IMPG2: variants seen among roughly 807,000 people sequenced by gnomAD.
IMPG2 encodes the protein interphotoreceptor matrix proteoglycan 2, also known as IPM 200.
IMPG2 carries 91 observed loss-of-function variants against 129.2 expected under a neutral mutation model. The ratio of observed to expected loss-of-function variants is 0.70; its 90% confidence interval spans 0.59 to 0.84. IMPG2 has a LOEUF of 0.84. Ranked by LOEUF, IMPG2 falls within the 40% of genes least tolerant of loss-of-function variation. The probability of loss-of-function intolerance (pLI) is 0.00; values close to 1 mark genes in which losing one functional copy is unlikely to be tolerated. For missense variants in IMPG2, 1,430 were observed against 1,461.7 expected, an observed-to-expected ratio of 0.98 and a Z score of 0.35; for synonymous variants, 510 against 517.7, an observed-to-expected ratio of 0.99 and a Z score of 0.20.
Position 101,229,452 on chromosome 3 carries a change from G to A in IMPG2, c.3561C>T (p.Ser1187=), listed in dbSNP as rs139496326. 2.0e-4 allele frequency: 327 copies of A among 1,613,048 alleles called. No individual in the cohort carries two copies. The East Asian group carries it at 5.6e-3, about 28-fold the overall frequency. Residue 1187 remains serine (S), a synonymous_variant, in exon 17 of 19, where the codon AGC becomes AGT. Coordinates refer to ENST00000193391, the MANE Select transcript of IMPG2 (RefSeq NM_016247.4). ...TGCTCAGCCCACCAATCACGTCTCC[G>A]CTAGCAGAGCTGTAGAAGGGATGCT... The part of the protein sequence containing the change: ...YPQHPFYSSA[S]GDVIGGLSRE...
intron 4 of IMPG2, among the ~76,000 whole-genome samples, chr3:101,289,880 G>C: frequency 6.6e-6 from 1 of 150,664 alleles, no homozygotes; most frequent in Non-Finnish European, 1.5e-5. Flanking sequence ...ATGGAATCAA[G>C]AGATAATTAG....
At chr3:101,228,978 G>T in intron 17 of IMPG2, 102 bp from the exon 18 acceptor site, 2 of 875,780 alleles carry the variant, frequency 2.3e-6, no homozygotes, top group Non-Finnish European at 3.8e-6. Context: ...TACATTCTGG[G>T]CTATTCAGAA....
rs1576740039 is a variant in IMPG2, at chr3:101,225,385, A to C, written c.*1584T>G. 6.6e-6 allele frequency: 1 copy of C among 152,430 alleles called. No homozygotes were observed. The highest frequency in any genetic ancestry group is 3.4e-3 in the Middle Eastern group (1 of 294). The allele number at this position is 152,430 out of a possible 1,614,324, so 9.4% of individuals were successfully genotyped here. A position where few individuals can be genotyped will look rare whatever the true frequency, so the allele number is the denominator to read the frequency against. On this transcript the variant is annotated 3_prime_UTR_variant, in exon 19 of 19. Coordinates refer to ENST00000193391, the MANE Select transcript of IMPG2 (RefSeq NM_016247.4). ...CACCTTGGCGCGGGCGCACATGCGC[A>C]TTAGCGCGCACACGCACACACACAT...
intron 11 of IMPG2, 77 bp from the exon 12 acceptor site, chr3:101,246,182 G>T: frequency 1.4e-6 from 2 of 1,385,330 alleles, no homozygotes; most frequent in Non-Finnish European, 1.0e-6. Flanking sequence ...CCACCTATCT[G>T]TCTATATTCC....
At chr3:101,269,926 CT>C (rs5851267) in intron 7 of IMPG2, among the ~76,000 whole-genome samples, 1,408 of 106,934 alleles carry the variant, frequency 0.013, 2 homozygotes, top group African/African-American at 0.031. Flanking sequence ...TTATTTTATT[CT>C]TTTTTTTTTT....
intron 3 of IMPG2, among the ~76,000 whole-genome samples, chr3:101,297,174 C>T (rs1478642776): frequency 6.6e-6 from 1 of 152,132 alleles, no homozygotes; most frequent in Non-Finnish European, 1.5e-5. Context: ...TCCCAAAGTG[C>T]TGGGATTACA....
chr3:101,271,151 G>C (rs1173563534), intron 7 of IMPG2, among the ~76,000 whole-genome samples: 2 of 152,040 alleles, frequency 1.3e-5, no homozygotes, highest in South Asian at 2.1e-4. Context: ...GTGGTGGGGA[G>C]GGGTAGAAGA....
At chr3:101,246,130 A>G in intron 11 of IMPG2, 25 bp from the exon 12 acceptor site, 1 of 1,607,964 alleles carries the variant, frequency 6.2e-7, no homozygotes, top group South Asian at 1.1e-5. Context: ...AGGCTAAATC[A>G]TATCATAGAT....
chr3:101,261,231 T>G (rs577110597), intron 9 of IMPG2, among the ~76,000 whole-genome samples: 2 of 152,134 alleles, frequency 1.3e-5, no homozygotes, highest in South Asian at 4.1e-4. Flanking sequence ...CCTATTAAAC[T>G]TACTTCTAGT....
At position 101,243,885 on chromosome 3, in the gene IMPG2, T is replaced by C. The variant is rs777006148; in HGVS notation, c.2446A>G (p.Thr816Ala). 3.1e-6 allele frequency: 5 copies of C among 1,614,198 alleles called. No individual in the cohort carries two copies. The South Asian group carries it at 4.4e-5, about 14-fold the overall frequency. ...GAGATTGTGGTTGGAGGCAATTTGG[T>C]AGACTGTGTCACAGATAACCAGAGC... ...DRLWLSVTQS[T>A]KLPPTTISTL... Residue 816 changes from threonine to alanine, a missense_variant, in exon 13 of 19, where the codon ACC (threonine) becomes GCC (alanine). Transcript: ENST00000193391.
chr3:101,269,203 C>T (rs1046658814), intron 8 of IMPG2, among the ~76,000 whole-genome samples: 9 of 30,688 alleles, frequency 2.9e-4, no homozygotes, highest in Non-Finnish European at 3.9e-4. Context: ...GGCCACATCT[C>T]GTCTGCCTCC....
At chr3:101,238,409 C>T (rs1234763692) in intron 14 of IMPG2, among the ~76,000 whole-genome samples, 3 of 152,088 alleles carry the variant, frequency 2.0e-5, no homozygotes, top group African/African-American at 7.2e-5. Context: ...TCCCAAGACA[C>T]ATAATTGTCA....
chr3:101,234,116 T>C (rs1234334562), intron 14 of IMPG2, among the ~76,000 whole-genome samples: 1 of 150,524 alleles, frequency 6.6e-6, no homozygotes, highest in Non-Finnish European at 1.5e-5. Context: ...AACCGCAGAA[T>C]ATGACCTTAC....
At position 101,244,440 on chromosome 3, in the gene IMPG2, G is replaced by T; in HGVS notation, c.1891C>A (p.Pro631Thr). The change falls in exon 13 of 19, where the codon CCG (proline) becomes ACG (threonine). Residue 631 changes from proline to threonine, a missense_variant. By Grantham distance (38) the Pro-to-Thr change is conservative (BLOSUM62 -1). Transcript: ENST00000193391. ...AGTGAATCATCATCTTCAAGCCACG[G>T]CTTGGACAGTGGTTCAGCGCTCTTC... Reference protein sequence around the residue: ...SEKSAEPLSKPWLEDDDSLLP... With the variant: ...SEKSAEPLSKTWLEDDDSLLP... The T allele has an allele frequency of 6.2e-7, 1 of 1,614,172 alleles. No homozygotes were observed. The highest frequency in any genetic ancestry group is 8.5e-7 in the Non-Finnish European group (1 of 1,180,020).
chr3:101,256,218 A>AGAAAG (rs1706607218), intron 10 of IMPG2, among the ~76,000 whole-genome samples: 1 of 147,116 alleles, frequency 6.8e-6, no homozygotes, highest in African/African-American at 2.7e-5. Context: ...AGAAAGAAAG[A>AGAAAG]AAAAAATATC....
rs1049777328 is a variant in IMPG2 at position 101,290,534 on chromosome 3, A to G, written c.533+945T>C. On this transcript the variant is annotated intron_variant, in intron 4 of 18. Coordinates refer to ENST00000193391, the MANE Select transcript of IMPG2 (RefSeq NM_016247.4). Reference sequence around the variant, plus strand: ...TAAATAAATAAATGTAAAAAATAAAACAGAGTAAACCACACCCAAGAGACC... The same window carrying G: ...TAAATAAATAAATGTAAAAAATAAAGCAGAGTAAACCACACCCAAGAGACC... Among the ~76,000 whole-genome samples the G allele has an allele frequency of 3.9e-5, 6 of 152,162 alleles. No individual in the cohort carries two copies. The East Asian group carries it at 1.2e-3, about 29-fold the overall frequency.
At chr3:101,317,095 GTGGGCATTATAAA>G (rs36090940) in intron 2 of IMPG2, among the ~76,000 whole-genome samples, 108,575 of 151,340 alleles carry the variant, frequency 0.72, 40,087 homozygotes, top group East Asian at 0.83. Flanking sequence ...AGTGAGGGAG[GTGGGCATTATAAA>G]TGGTCATGAA....
At chr3:101,257,484 G>A (rs746516770) in intron 10 of IMPG2, 45 bp downstream of exon 10, 13 of 1,608,044 alleles carry the variant, frequency 8.1e-6, no homozygotes, top group African/African-American at 5.4e-5. Flanking sequence ...AGAGCATACT[G>A]GAAAAGAAAC....
intron 3 of IMPG2, among the ~76,000 whole-genome samples, chr3:101,300,861 C>T (rs1475150411): frequency 1.3e-5 from 2 of 152,258 alleles, no homozygotes; most frequent in Non-Finnish European, 2.9e-5. Flanking sequence ...ACTTAGCTAA[C>T]TATTTGGTGC....
Sources: allele counts gnomAD v4.1 joint callset (sites outside exome capture counted in the v4.1 genomes callset), GRCh38; gene constraint gnomAD v4.1.1; transcripts MANE v1.5; gene names NCBI Gene and HGNC (gene_info 2026-07-23, HGNC 2026-07-21).